Variants in LUZP2 observed in about 807,000 individuals in gnomAD.
LUZP2 encodes the protein leucine zipper protein 2.
In LUZP2, 52 loss-of-function variants were observed where a neutral mutation model predicts 51.6. The observed-to-expected ratio is 1.01, with a 90% confidence interval of 0.81 to 1.27. The LOEUF (loss-of-function observed/expected upper bound fraction) is 1.27, where lower values mean the gene tolerates loss of function less well. Ranked by LOEUF, LUZP2 falls within the 50% of genes most tolerant of loss-of-function variation. The pLI, the probability that LUZP2 is intolerant of heterozygous loss-of-function variation, is 0.00. For missense variants in LUZP2, 436 were observed against 395.4 expected (o/e 1.10, Z -0.87); for synonymous variants, 154 against 137.3 (o/e 1.12, Z -0.85).
chr11:24,915,456 G>T (rs897740445), intron 7 of LUZP2, among the ~76,000 whole-genome samples: 2 of 151,970 alleles, frequency 1.3e-5, no homozygotes, highest in Non-Finnish European at 2.9e-5. Flanking sequence ...GTCCTTCAAG[G>T]TCATTATTTT....
intron 1 of LUZP2, among the ~76,000 whole-genome samples, chr11:24,515,049 A>G (rs1442743675): frequency 6.6e-6 from 1 of 152,214 alleles, no homozygotes; most frequent in Non-Finnish European, 1.5e-5. Flanking sequence ...TTGCAAGTGA[A>G]GGACGCTAGA....
intron 1 of LUZP2, among the ~76,000 whole-genome samples, chr11:24,539,686 T>C (rs1283810937): frequency 6.6e-6 from 1 of 151,970 alleles, no homozygotes; most frequent in Non-Finnish European, 1.5e-5. Context: ...GAAGTACATA[T>C]ATATAGGAAG....
chr11:24,857,630 G>A (rs1009246172), intron 5 of LUZP2, among the ~76,000 whole-genome samples: 2 of 150,982 alleles, frequency 1.3e-5, no homozygotes, highest in Non-Finnish European at 2.9e-5. Flanking sequence ...AAAACACTTA[G>A]AGTAGTACCT....
intron 1 of LUZP2, among the ~76,000 whole-genome samples, chr11:24,671,074 T>G (rs1856387371): frequency 6.6e-6 from 1 of 151,926 alleles, no homozygotes; most frequent in Non-Finnish European, 1.5e-5. Context: ...TTTCAAAAAT[T>G]TTGGTAATTT....
chr11:24,871,969 A>G (rs187028691), intron 5 of LUZP2, among the ~76,000 whole-genome samples: 1 of 152,064 alleles, frequency 6.6e-6, no homozygotes, highest in African/African-American at 2.4e-5. Context: ...AATGTAAACT[A>G]TTAGTTCCAT....
intron 1 of LUZP2, among the ~76,000 whole-genome samples, chr11:24,590,160 A>G (rs762556806): frequency 6.6e-6 from 1 of 152,138 alleles, no homozygotes; most frequent in Non-Finnish European, 1.5e-5. Context: ...TCATCTCCTC[A>G]CACTTTTGAA....
intron 1 of LUZP2, among the ~76,000 whole-genome samples, chr11:24,679,889 T>C (rs1218335925): frequency 6.6e-6 from 1 of 152,200 alleles, no homozygotes; most frequent in African/African-American, 2.4e-5. Context: ...ATACTCATAA[T>C]ATACACTCAC....
chr11:25,033,475 A>G (rs1278493600), intron 9 of LUZP2, among the ~76,000 whole-genome samples: 2 of 152,142 alleles, frequency 1.3e-5, no homozygotes, highest in Non-Finnish European at 2.9e-5. Flanking sequence ...CGTTTGTTAC[A>G]TGGGAATATT....
At chr11:24,859,900 C>T (rs1236447411) in intron 5 of LUZP2, among the ~76,000 whole-genome samples, 4 of 152,142 alleles carry the variant, frequency 2.6e-5, no homozygotes, top group African/African-American at 9.7e-5. Flanking sequence ...AACCCCAGAA[C>T]ACGCTGTCTT....
At chr11:24,766,350 A>AT (rs1860189342) in intron 5 of LUZP2, among the ~76,000 whole-genome samples, 1 of 152,038 alleles carries the variant, frequency 6.6e-6, no homozygotes, top group African/African-American at 2.4e-5. Flanking sequence ...TTTAAAAATC[A>AT]TTTTGTTTTT....
chr11:24,768,425 A>T (rs891011097), intron 5 of LUZP2, among the ~76,000 whole-genome samples: 4 of 152,214 alleles, frequency 2.6e-5, no homozygotes, highest in South Asian at 2.1e-4. Context: ...TTTTAAATAA[A>T]GGTGTTAGTT....
intron 9 of LUZP2, among the ~76,000 whole-genome samples, chr11:24,995,383 G>C (rs1590813801): frequency 6.6e-6 from 1 of 151,856 alleles, no homozygotes; most frequent in Non-Finnish European, 1.5e-5. Context: ...ACAGAGCAAG[G>C]CCTTGTCCTC....
At chr11:24,712,019 C>T (rs976091622) in intron 1 of LUZP2, among the ~76,000 whole-genome samples, 4 of 152,076 alleles carry the variant, frequency 2.6e-5, no homozygotes, top group African/African-American at 9.7e-5. Context: ...CCTTAGTATA[C>T]CATAGCGTGT....
intron 5 of LUZP2, among the ~76,000 whole-genome samples, chr11:24,883,238 C>T (rs1481190808): frequency 6.8e-6 from 1 of 147,350 alleles, no homozygotes; most frequent in African/African-American, 2.7e-5. Flanking sequence ...ACTAAATGTA[C>T]GTTAAGAGCG....
At chr11:24,603,110 A>T (rs1049719309) in intron 1 of LUZP2, among the ~76,000 whole-genome samples, 1 of 151,778 alleles carries the variant, frequency 6.6e-6, no homozygotes, top group Non-Finnish European at 1.5e-5. Context: ...ACAGTCTATA[A>T]CAAGCAGTAT....
intron 9 of LUZP2, among the ~76,000 whole-genome samples, chr11:25,016,585 G>A (rs915845883): frequency 6.6e-5 from 10 of 151,534 alleles, no homozygotes; most frequent in Non-Finnish European, 2.9e-5. Context: ...TATATATGGT[G>A]CAGTATGTGT....
intron 9 of LUZP2, among the ~76,000 whole-genome samples, chr11:25,023,595 A>G (rs1280317308): frequency 5.1e-5 from 5 of 97,208 alleles, no homozygotes; most frequent in African/African-American, 1.7e-4. Context: ...TCCTGGATTC[A>G]TTGATTTTTT....
intron 1 of LUZP2, among the ~76,000 whole-genome samples, chr11:24,627,389 C>T (rs1465398884): frequency 6.6e-6 from 1 of 152,166 alleles, no homozygotes; most frequent in Non-Finnish European, 1.5e-5. Flanking sequence ...CATTCAGGCA[C>T]TGTTGTGGGG....
At chr11:24,926,319 AC>A (rs1213433348) in intron 7 of LUZP2, among the ~76,000 whole-genome samples, 5 of 116,896 alleles carry the variant, frequency 4.3e-5, no homozygotes, top group Middle Eastern at 9.8e-3. Flanking sequence ...GTATATATAT[AC>A]GTGTGTGTAT....
Sources: allele counts gnomAD v4.1 joint callset (sites outside exome capture counted in the v4.1 genomes callset), GRCh38; gene constraint gnomAD v4.1.1; transcripts MANE v1.5; gene names NCBI Gene and HGNC (gene_info 2026-07-23, HGNC 2026-07-21).